The following USP9X variants were observed in gnomAD, a reference collection of about 807,000 sequenced individuals.
USP9X encodes ubiquitin carboxyl-terminal hydrolase 9X.
USP9X carries 7 observed loss-of-function variants against 190.3 expected under a neutral mutation model. The observed-to-expected ratio is 0.04, with a 90% CI of 0.02 to 0.07. The LOEUF is 0.07. Ranked by LOEUF, USP9X falls within the 10% of genes least tolerant of loss-of-function variation. The pLI is 1.00. For missense variants in USP9X, 1,010 were observed against 1,916.9 expected (o/e 0.53, Z 8.83); for synonymous variants, 645 against 659.5 (o/e 0.98, Z 0.34).
At chrX:41,174,639 T>C (rs1248029723) in intron 21 of USP9X, among the ~76,000 whole-genome samples, 2 of 112,025 alleles carry the variant, frequency 1.8e-5, no homozygotes, top group Non-Finnish European at 3.8e-5. Flanking sequence ...TTACTGACGA[T>C]GATCACTGTG....
chrX:41,157,584 G>C (rs1055090766), intron 14 of USP9X, among the ~76,000 whole-genome samples: 1 of 111,342 alleles, frequency 9.0e-6, no homozygotes, highest in Non-Finnish European at 1.9e-5. Context: ...CATAGCCATA[G>C]CCCTTATTTC....
At chrX:41,197,577 ATTAAT>A (rs1306900123) in intron 29 of USP9X, 67 bp downstream of exon 29, 2 of 982,640 alleles carry the variant, frequency 2.0e-6, no homozygotes, top group Non-Finnish European at 1.4e-6. Flanking sequence ...ATCAAATTTA[ATTAAT>A]TTATAGTAGT....
At chrX:41,127,310 G>C (rs1292920161) in intron 2 of USP9X, among the ~76,000 whole-genome samples, 1 of 111,220 alleles carries the variant, frequency 9.0e-6, no homozygotes, top group Non-Finnish European at 1.9e-5. Flanking sequence ...TGAATACCTA[G>C]ATATATTGAA....
chrX:41,116,960 C>A (rs2062152459), intron 1 of USP9X, among the ~76,000 whole-genome samples: 2 of 111,674 alleles, frequency 1.8e-5, no homozygotes, highest in Non-Finnish European at 3.8e-5. Flanking sequence ...CTTTATCTTG[C>A]ATCTTAGTGT....
chrX:41,098,641 C>T (rs1427908247), intron 1 of USP9X, among the ~76,000 whole-genome samples: 1 of 108,344 alleles, frequency 9.2e-6, no homozygotes, highest in African/African-American at 3.4e-5. Context: ...CTGCAACGTC[C>T]GCCTCCCAGG....
chrX:41,207,724 C>T (rs949332080), intron 32 of USP9X, among the ~76,000 whole-genome samples: 5 of 110,960 alleles, frequency 4.5e-5, no homozygotes, highest in East Asian at 2.8e-4. Flanking sequence ...CTGAGAGGAG[C>T]GGGGAACGAA....
In USP9X at chrX:41,136,929, C is replaced by T; in HGVS notation, c.561C>T (p.Tyr187=). 8.3e-7 allele frequency: 1 copy of T among 1,211,385 alleles called. No homozygotes were observed. Among genetic ancestry groups the T allele is most frequent in the Non-Finnish European group, 1.1e-6 (1 of 895,130 alleles). ...ALNPHCKFHI[Y]NGTRPCESVS... The stretch of plus-strand genomic sequence containing the variant: ...ATCCTCATTGCAAATTCCATATCTA[C>T]AATGGTACACGTCCATGTGAATCAG... Residue 187 remains tyrosine, a synonymous_variant, in exon 6 of 45, where the codon TAC becomes TAT. Transcript: ENST00000378308.
chrX:41,217,367 C>G, intron 36 of USP9X, 24 bp downstream of exon 36: 1 of 1,179,770 alleles, frequency 8.5e-7, no homozygotes, highest in Non-Finnish European at 1.1e-6. Context: ...GATTTTCATT[C>G]CTATTATACT....
At chrX:41,158,991 T>TA (rs1301311199) in intron 14 of USP9X, among the ~76,000 whole-genome samples, 1 of 111,870 alleles carries the variant, frequency 8.9e-6, no homozygotes. Context: ...TAATTAATGG[T>TA]AAAAAACTGG....
intron 1 of USP9X, among the ~76,000 whole-genome samples, chrX:41,096,726 C>T (rs777793109): frequency 1.6e-4 from 18 of 111,941 alleles, no homozygotes; most frequent in African/African-American, 5.2e-4. Context: ...AGGCATGAGC[C>T]ACCGCGCCTG....
intron 38 of USP9X, 118 bp downstream of exon 38, chrX:41,219,349 C>A: frequency 1.3e-6 from 1 of 786,807 alleles, no homozygotes; most frequent in Non-Finnish European, 1.7e-6. Context: ...CCCATAAAAC[C>A]TGTTGTGAAT....
intron 28 of USP9X, 33 bp from the exon 29 acceptor site, chrX:41,197,331 T>TGGGGGGGGGGGGGGGGG: frequency 1.2e-5 from 6 of 486,754 alleles, no homozygotes; most frequent in East Asian, 5.9e-5. Context: ...TTTGATTTCT[T>TGGGGGGGGGGGGGGGGG]CCCCCCCCCA....
At position 41,214,608 on chromosome X, in the gene USP9X, A is replaced by G. The variant is rs757343313; in HGVS notation, c.5230A>G (p.Ile1744Val). The G allele has an allele frequency of 2.5e-6, 3 of 1,198,783 alleles. No homozygotes were observed. In the South Asian group the frequency reaches 5.6e-5, roughly 22 times the overall value. Residue 1744 changes from isoleucine to valine, a missense_variant, in exon 34 of 45, where the codon ATT becomes GTT. Ile to Val is a conservative substitution (Grantham distance 29). Coordinates refer to ENST00000378308, the MANE Select transcript of USP9X (RefSeq NM_001039591.3). ...EESFTTLNVD[I>V]RNHQNLLDSL... is the part of the protein sequence containing the mutation. ...ATCTTTTACGACCCTAAACGTAGACATTAGAAATCACCAAAATCTTCTTGA... is the reference window on the plus strand; with the variant it reads ...ATCTTTTACGACCCTAAACGTAGACGTTAGAAATCACCAAAATCTTCTTGA...
At chrX:41,184,333 T>C (rs183750227) in intron 22 of USP9X, 64 bp from the exon 23 acceptor site, 52 of 1,124,339 alleles carry the variant, frequency 4.6e-5, no homozygotes, top group Non-Finnish European at 3.5e-6. Context: ...ATAGTACAAA[T>C]AGAAGTTATT....
At position 41,218,459 on chromosome X, in the gene USP9X, C is replaced by G. The variant is rs182545158; in HGVS notation, c.6297C>G (p.Arg2099=). 4 of 1,209,798 alleles carry G rather than the reference C, an allele frequency of 3.3e-6. No homozygotes were observed. The East Asian group carries it at 1.2e-4, about 36-fold the overall frequency. Residue 2099 remains arginine, a synonymous_variant, in exon 37 of 45, where the codon CGC becomes CGG. Coordinates refer to ENST00000378308, the MANE Select transcript of USP9X (RefSeq NM_001039591.3). The part of the protein sequence containing the change: ...AHNVLFNVSN[R]FSEYLLECPS... The stretch of plus-strand genomic sequence containing the variant: ...ACGTCCTTTTTAATGTTTCAAATCG[C>G]TTCTCCGAATACCTTCTGGAGTGCC...
intron 39 of USP9X, among the ~76,000 whole-genome samples, chrX:41,223,793 G>A (rs908124738): frequency 8.9e-5 from 10 of 111,800 alleles, no homozygotes; most frequent in South Asian, 3.6e-4. Flanking sequence ...GAGTCTGGAG[G>A]AAGATTTTTG....
At chrX:41,200,482 C>T (rs1379819007) in intron 30 of USP9X, among the ~76,000 whole-genome samples, 1 of 111,656 alleles carries the variant, frequency 9.0e-6, no homozygotes, top group Non-Finnish European at 1.9e-5. Flanking sequence ...TGCTGTCTTG[C>T]TTGCTCCTCA....
intron 26 of USP9X, among the ~76,000 whole-genome samples, chrX:41,190,183 A>G (rs1302350108): frequency 8.9e-6 from 1 of 112,320 alleles, no homozygotes; most frequent in African/African-American, 3.2e-5. Context: ...AATAATGACA[A>G]AATTCATTGA....
rs897373083 is a variant in USP9X at position 41,128,283 on chromosome X, A to G, written c.97-717A>G. Among the ~76,000 whole-genome samples the G allele has an allele frequency of 6.2e-5, 7 of 112,186 alleles. No individual in the cohort carries two copies. In the East Asian group the frequency reaches 1.1e-3, roughly 18 times the overall value. On this transcript the variant is annotated intron_variant, in intron 2 of 44. Coordinates refer to ENST00000378308, the MANE Select transcript of USP9X (RefSeq NM_001039591.3). ...TGGAATAATTTCTGTCATGGCTTAT[A>G]TAATGGGAAATGTAAGCAGAGAGGC... is the stretch of plus-strand genomic sequence containing the variant.
Sources: gnomAD v4.1 joint callset for allele counts (sites outside exome capture counted in the v4.1 genomes callset) on GRCh38, gnomAD v4.1.1 for gene constraint, MANE v1.5 for transcripts, NCBI Gene and HGNC (gene_info 2026-07-23, HGNC 2026-07-21) for gene names.